SLC9B2: variants seen among roughly 807,000 people sequenced by gnomAD.
SLC9B2 encodes sodium/hydrogen exchanger 9B2.
In SLC9B2, 39 loss-of-function variants were observed where a neutral mutation model predicts 52.2. The ratio of observed to expected loss-of-function variants is 0.75; its 90% confidence interval spans 0.58 to 0.98. The LOEUF (loss-of-function observed/expected upper bound fraction) is 0.98, where lower values mean the gene tolerates loss of function less well. Ranked by LOEUF, SLC9B2 falls within the 50% of genes least tolerant of loss-of-function variation. SLC9B2 has a pLI of 0.00. For synonymous variants in SLC9B2, 214 were observed against 227.0 expected (o/e 0.94, Z 0.51); for missense variants, 626 against 637.5 (o/e 0.98, Z 0.19).
intron 6 of SLC9B2, among the ~76,000 whole-genome samples, chr4:103,047,551 C>G (rs1467309926): frequency 7.8e-6 from 1 of 128,308 alleles, no homozygotes; most frequent in Non-Finnish European, 1.6e-5. Context: ...CCCCTCCCCC[C>G]ACCCCACAAC....
intron 3 of SLC9B2, among the ~76,000 whole-genome samples, chr4:103,060,539 TTG>T (rs1491024481): frequency 4.5e-4 from 56 of 123,886 alleles, no homozygotes; most frequent in African/African-American, 1.4e-3. Context: ...TTTTTTTTGT[TTG>T]TTTTTTTTTT....
chr4:103,066,250 C>A, intron 3 of SLC9B2, 77 bp downstream of exon 3: 1 of 1,500,442 alleles, frequency 6.7e-7, no homozygotes, highest in Non-Finnish European at 9.0e-7. Flanking sequence ...TCTTTTTGTC[C>A]TTTCAACCAT....
intron 7 of SLC9B2, among the ~76,000 whole-genome samples, 164 bp from the exon 8 acceptor site, chr4:103,045,160 C>G (rs1744010009): frequency 6.6e-6 from 1 of 152,098 alleles, no homozygotes; most frequent in South Asian, 2.1e-4. Flanking sequence ...ACATTTTCCC[C>G]CATAGCATAT....
rs1742074767 is a variant in SLC9B2, at chr4:103,024,935, A to T, written c.*1435T>A. Among the ~76,000 whole-genome samples, 1 of 152,228 alleles carries T rather than the reference A, an allele frequency of 6.6e-6. No individual in the cohort carries two copies. Among genetic ancestry groups the T allele is most frequent in the African/African-American group, 2.4e-5 (1 of 41,458 alleles). On this transcript the variant is annotated 3_prime_UTR_variant, in exon 12 of 12. Coordinates refer to ENST00000394785, the MANE Select transcript of SLC9B2 (RefSeq NM_178833.7). ...TCACAATTTCTGAAATCCCTGCCAT[A>T]GAAGTCACTCTTTTGGTTTAAGGCA...
At position 103,023,144 on chromosome 4, in the gene SLC9B2, T is replaced by C. The variant is rs891960198; in HGVS notation, c.*3226A>G. 3.9e-5 allele frequency among the ~76,000 whole-genome samples: 6 copies of C among 152,156 alleles called. No individual in the cohort carries two copies. The highest frequency in any genetic ancestry group is 7.4e-5 in the Non-Finnish European group (5 of 68,010). ...TCCGAACTGTCGTGTGGCAAGTAGT[T>C]TTCTGATATTGAGAGAGGATCCTCT... On this transcript the variant is annotated 3_prime_UTR_variant, in exon 12 of 12. Coordinates refer to ENST00000394785, the MANE Select transcript of SLC9B2 (RefSeq NM_178833.7).
rs985454212 is a variant in SLC9B2 at position 103,023,801 on chromosome 4, A to T, written c.*2569T>A. The stretch of plus-strand genomic sequence containing the variant: ...CTTCAATCATTTCTGTACTCTGTGG[A>T]CTTCCATTTCTAATTTTCCTAGGGG... On this transcript the variant is annotated 3_prime_UTR_variant, in exon 12 of 12. Coordinates refer to ENST00000394785, the MANE Select transcript of SLC9B2 (RefSeq NM_178833.7). 2.6e-5 allele frequency among the ~76,000 whole-genome samples: 4 copies of T among 152,026 alleles called. No individual in the cohort carries two copies. The highest frequency in any genetic ancestry group is 4.4e-5 in the Non-Finnish European group (3 of 68,000).
Position 103,066,373 on chromosome 4 carries a change from C to T in SLC9B2, c.225G>A (p.Met75Ile), listed in dbSNP as rs1280795602. Residue 75 changes from methionine to isoleucine, a missense_variant, in exon 3 of 12, where the codon ATG becomes ATA. Physicochemically the swap from Met to Ile is conservative, Grantham distance 10. Transcript: ENST00000394785. Reference sequence around the variant, plus strand: ...GTAAACCATGTGGAGGGCAAGCCAGCATTTGTCTCAGTCTTTGTACGTGAT... The same window carrying T: ...GTAAACCATGTGGAGGGCAAGCCAGTATTTGTCTCAGTCTTTGTACGTGAT... Reference protein sequence around the residue: ...EANHVQRLRQMLACPPHGLLD... With the variant: ...EANHVQRLRQILACPPHGLLD... The T allele has an allele frequency of 6.2e-7, 1 of 1,614,088 alleles. No homozygotes were observed. The highest frequency in any genetic ancestry group is 1.1e-5 in the South Asian group (1 of 91,066).
At chr4:103,039,379 C>T (rs189391340) in intron 9 of SLC9B2, among the ~76,000 whole-genome samples, 8 of 152,278 alleles carry the variant, frequency 5.3e-5, no homozygotes, top group African/African-American at 1.9e-4. Flanking sequence ...AGTTAGATAA[C>T]TTGCACATGG....
intron 3 of SLC9B2, among the ~76,000 whole-genome samples, chr4:103,065,188 A>ACG (rs1560559584): frequency 6.7e-6 from 1 of 149,384 alleles, no homozygotes. Context: ...ACGCACACAC[A>ACG]CACACACACA....
intron 3 of SLC9B2, among the ~76,000 whole-genome samples, chr4:103,064,932 A>G (rs1350200946): frequency 6.6e-6 from 1 of 152,148 alleles, no homozygotes; most frequent in Non-Finnish European, 1.5e-5. Context: ...TTGGCCGGTT[A>G]AAACTAGTTT....
chr4:103,047,499 C>T (rs555445581), intron 6 of SLC9B2, among the ~76,000 whole-genome samples: 42 of 150,690 alleles, frequency 2.8e-4, no homozygotes, highest in Non-Finnish European at 3.8e-4. Context: ...CCCATTAACT[C>T]GTCATTTAAC....
intron 4 of SLC9B2, among the ~76,000 whole-genome samples, chr4:103,054,316 T>C (rs954195208): frequency 2.0e-5 from 3 of 152,192 alleles, no homozygotes; most frequent in Admixed American, 1.3e-4. Flanking sequence ...GAGATTCTTA[T>C]GTGCAGCCAA....
chr4:103,020,045 A>G (rs1328443315), downstream of SLC9B2: 1 of 488,312 alleles, frequency 2.0e-6, no homozygotes, highest in East Asian at 1.4e-4. Flanking sequence ...TCTCTCCCCA[A>G]GACGGCCTGA....
rs143495574 is a variant in SLC9B2 at position 103,047,181 on chromosome 4, C to A, written c.759G>T (p.Met253Ile). Reference sequence around the variant, plus strand: ...CATAGCCTCCTCCCTGCAAAAGGAGCATTGAAGGCACCACAACAGCTGGAG... The same window carrying A: ...CATAGCCTCCTCCCTGCAAAAGGAGAATTGAAGGCACCACAACAGCTGGAG... The part of the protein sequence containing the change: ...AVSPAVVVPS[M>I]LLLQGGGYGV... Residue 253 changes from methionine to isoleucine, a missense_variant, in exon 7 of 12, where the codon ATG becomes ATT. By Grantham distance (10) the Met-to-Ile change is conservative (BLOSUM62 1). Coordinates refer to ENST00000394785, the MANE Select transcript of SLC9B2 (RefSeq NM_178833.7). The A allele has an allele frequency of 2.0e-5, 33 of 1,613,714 alleles. No individual in the cohort carries two copies. The highest frequency in any genetic ancestry group is 2.7e-5 in the Non-Finnish European group (32 of 1,179,902).
intron 11 of SLC9B2, 38 bp from the exon 12 acceptor site, chr4:103,026,629 G>C (rs768250836): frequency 1.9e-6 from 3 of 1,543,378 alleles, no homozygotes; most frequent in East Asian, 4.5e-5. Flanking sequence ...ATCATGATAA[G>C]ATAAGCACAT....
chr4:103,071,161 A>G (rs967798471), intron 1 of SLC9B2, among the ~76,000 whole-genome samples: 8 of 151,714 alleles, frequency 5.3e-5, no homozygotes, highest in African/African-American at 1.9e-4. Flanking sequence ...TTTCTTATGT[A>G]GGATTTTCTT....
In SLC9B2 at chr4:103,076,394, C is replaced by T. The variant is rs530779745; in HGVS notation, c.-253G>A. The T allele has an allele frequency of 2.0e-5, 3 of 152,338 alleles. No individual in the cohort carries two copies. The highest frequency in any genetic ancestry group is 2.9e-5 in the Non-Finnish European group (2 of 68,132). The allele number at this position is 152,338 out of a possible 1,614,324, so 9.4% of individuals were successfully genotyped here. A position where few individuals can be genotyped will look rare whatever the true frequency, so the allele number is the denominator to read the frequency against. ...GTCGGCCCCGCCTTTCGCACGAACCCGCTGGGCGACACCGCGCAGGGAGGT... is the reference window on the plus strand; with the variant it reads ...GTCGGCCCCGCCTTTCGCACGAACCTGCTGGGCGACACCGCGCAGGGAGGT... On this transcript the variant is annotated 5_prime_UTR_variant, in exon 1 of 12. Transcript: ENST00000394785.
At chr4:103,063,605 CATAA>C (rs901373637) in intron 3 of SLC9B2, among the ~76,000 whole-genome samples, 2 of 151,700 alleles carry the variant, frequency 1.3e-5, no homozygotes, top group African/African-American at 2.4e-5. Context: ...AGAAAAAAAA[CATAA>C]ATAAAAAGCT....
At chr4:103,037,877 T>A (rs1252836743) in intron 9 of SLC9B2, among the ~76,000 whole-genome samples, 1 of 152,052 alleles carries the variant, frequency 6.6e-6, no homozygotes, top group East Asian at 1.9e-4. Context: ...TTTTTTTTTT[T>A]TGAGGCAGAG....
Sources: allele counts gnomAD v4.1 joint callset (sites outside exome capture counted in the v4.1 genomes callset), GRCh38; gene constraint gnomAD v4.1.1; transcripts MANE v1.5; gene names NCBI Gene and HGNC (gene_info 2026-07-23, HGNC 2026-07-21).